ADAMTS10: variants seen among roughly 807,000 people sequenced by gnomAD.
ADAMTS10 encodes the protein A disintegrin and metalloproteinase with thrombospondin motifs 10.
In ADAMTS10, 48 loss-of-function variants were observed where a neutral mutation model predicts 135.9. The observed-to-expected ratio is 0.35, with a 90% CI of 0.28 to 0.45. The LOEUF (loss-of-function observed/expected upper bound fraction) is 0.45, where lower values mean the gene tolerates loss of function less well. Ranked by LOEUF, ADAMTS10 falls within the 20% of genes least tolerant of loss-of-function variation. The probability of loss-of-function intolerance (pLI) is 1.00; values close to 1 mark genes in which losing one functional copy is unlikely to be tolerated. For synonymous variants in ADAMTS10, 621 were observed against 647.5 expected, an observed-to-expected ratio of 0.96 and a Z score of 0.62; for missense variants, 1,131 against 1,565.2, an observed-to-expected ratio of 0.72 and a Z score of 4.68.
At chr19:8,600,148 C>T (rs1341086319) in intron 6 of ADAMTS10, among the ~76,000 whole-genome samples, 1 of 152,182 alleles carries the variant, frequency 6.6e-6, no homozygotes, top group Non-Finnish European at 1.5e-5. Flanking sequence ...CACTTATATG[C>T]CACCTACTGC....
At position 8,599,056 on chromosome 19, in the gene ADAMTS10, A is replaced by G. The variant is rs541748709; in HGVS notation, c.811-1739T>C. 3.3e-5 allele frequency among the ~76,000 whole-genome samples: 5 copies of G among 152,198 alleles called. No individual in the cohort carries two copies. The South Asian group carries it at 8.3e-4, about 25-fold the overall frequency. ...TTCATCAAGCCCTTACTATGTGCCA[A>G]ATAGCCTACCTGGCTTCCCTTCCAC... On this transcript the variant is annotated intron_variant, in intron 6 of 25. Transcript: ENST00000597188.
intron 25 of ADAMTS10, among the ~76,000 whole-genome samples, chr19:8,584,565 T>A (rs2042397838): frequency 6.6e-6 from 1 of 152,150 alleles, no homozygotes; most frequent in South Asian, 2.1e-4. Context: ...AAAATGTCAC[T>A]AGTGCCTGAG....
At chr19:8,586,003 G>A in intron 22 of ADAMTS10, 119 bp downstream of exon 22, 2 of 1,520,546 alleles carry the variant, frequency 1.3e-6, no homozygotes, top group Middle Eastern at 2.3e-4. Flanking sequence ...GCAGCACTCG[G>A]CCCACTGTCA....
rs2042672965 is a variant in ADAMTS10, at chr19:8,601,880, T to C, written c.593-735A>G. Among the ~76,000 whole-genome samples the C allele has an allele frequency of 1.3e-5, 2 of 152,168 alleles. No individual in the cohort carries two copies. The highest frequency in any genetic ancestry group is 4.8e-5 in the African/African-American group (2 of 41,444). ...CTACCAGCCTGCCCCGCTGCCCAAA[T>C]GTCCAACTGAACACTTGCATGACTG... On this transcript the variant is annotated intron_variant, in intron 5 of 25. Transcript: ENST00000597188. This position sits in a 1 kb window ranked among gnomAD's most constrained non-coding sequence, Gnocchi z 4.6.
intron 5 of ADAMTS10, among the ~76,000 whole-genome samples, chr19:8,603,444 T>A (rs1457437518): frequency 6.6e-6 from 1 of 152,082 alleles, no homozygotes; most frequent in Non-Finnish European, 1.5e-5. Flanking sequence ...CCAGCTAATT[T>A]TGTATTTTTA....
chr19:8,592,239 G>C, intron 13 of ADAMTS10, 136 bp from the exon 14 acceptor site: 1 of 1,466,714 alleles, frequency 6.8e-7, no homozygotes, highest in Non-Finnish European at 9.0e-7. Flanking sequence ...CTGAACATGC[G>C]AACAGAGTCA....
At chr19:8,604,173 C>T (rs942280043) in intron 4 of ADAMTS10, among the ~76,000 whole-genome samples, 1 of 151,678 alleles carries the variant, frequency 6.6e-6, no homozygotes, top group Non-Finnish European at 1.5e-5. Context: ...GCCTCAGCCT[C>T]CCAAGGATCT....
chr19:8,605,520 A>AAT lies in ADAMTS10; in HGVS notation c.88+102_88+103insAT. ...CCTATTGACCCCAGGGCCTTCCCCC[A>AAT]TTGACCCCCATCCCAGCCCCCTGAT... On this transcript the variant is annotated intron_variant, in intron 3 of 25. Transcript: ENST00000597188. This position sits in a 1 kb window ranked among gnomAD's most constrained non-coding sequence, Gnocchi z 7.7. 1 of 752,146 alleles carries AAT rather than the reference A, an allele frequency of 1.3e-6. No individual in the cohort carries two copies. The highest frequency in any genetic ancestry group is 2.0e-6 in the Non-Finnish European group (1 of 506,406). The allele number at this position is 752,146 out of a possible 1,614,324, so 46.6% of individuals were successfully genotyped here. A position where few individuals can be genotyped will look rare whatever the true frequency, so the allele number is the denominator to read the frequency against.
At chr19:8,587,618 A>G (rs1222343393) in intron 18 of ADAMTS10, among the ~76,000 whole-genome samples, 1 of 151,482 alleles carries the variant, frequency 6.6e-6, no homozygotes, top group Non-Finnish European at 1.5e-5. Context: ...ACAGGTGTAC[A>G]CCACCACACC....
intron 13 of ADAMTS10, chr19:8,592,308 A>G: frequency 2.0e-6 from 2 of 1,024,830 alleles, no homozygotes; most frequent in Non-Finnish European, 2.8e-6. Flanking sequence ...GCGTGGCCTG[A>G]GCACAGGGTG....
chr19:8,592,713 GA>G, intron 13 of ADAMTS10, 49 bp downstream of exon 13: 1 of 1,553,288 alleles, frequency 6.4e-7, no homozygotes, highest in Non-Finnish European at 8.7e-7. Context: ...GCCAACGCGG[GA>G]GGTGGCTCAG....
rs1555739362 is a variant in ADAMTS10 at position 8,592,679 on chromosome 19, C to T, written c.1587+84G>A. The T allele has an allele frequency of 5.1e-6, 7 of 1,380,068 alleles. No homozygotes were observed. The South Asian group carries it at 8.6e-5, about 17-fold the overall frequency. The allele number at this position is 1,380,068 out of a possible 1,614,324, so 85.5% of individuals were successfully genotyped here. ...AATGTGGGAGGGAGCAGATAATAGG[C>T]CGAAGGACAGGCGGGTAGGCGTGGC... On this transcript the variant is annotated intron_variant, in intron 13 of 25. Coordinates refer to ENST00000597188, the MANE Select transcript of ADAMTS10 (RefSeq NM_030957.4).
intron 25 of ADAMTS10, among the ~76,000 whole-genome samples, chr19:8,583,430 G>T (rs1480246335): frequency 1.3e-5 from 2 of 151,918 alleles, no homozygotes; most frequent in Non-Finnish European, 2.9e-5. Flanking sequence ...AATCCCAGCT[G>T]CTCAGGAGGC....
chr19:8,603,431 C>T lies in ADAMTS10; in HGVS notation c.592+297G>A, dbSNP rs112931086. Reference sequence around the variant, plus strand: ...CTGGGATGACAGGCATGCGCCACCACGCCCAGCTAATTTTGTATTTTTAGT... The same window carrying T: ...CTGGGATGACAGGCATGCGCCACCATGCCCAGCTAATTTTGTATTTTTAGT... On this transcript the variant is annotated intron_variant, in intron 5 of 25. Transcript: ENST00000597188. Among the ~76,000 whole-genome samples, 2,432 of 152,200 alleles carry T rather than the reference C, an allele frequency of 0.016. 60 individuals are homozygous for T. The highest frequency in any genetic ancestry group is 0.055 in the African/African-American group (2,278 of 41,518).
rs1176215702 is a variant in ADAMTS10, at chr19:8,592,745, G to T, written c.1587+18C>A. On this transcript the variant is annotated intron_variant, in intron 13 of 25. Transcript: ENST00000597188. ...CTCAGGGGGCGTGGCCCAGTTGGGG[G>T]CCCTGGCCGGCGCTCACCCCCTTGT... 3 of 1,602,868 alleles carry T rather than the reference G, an allele frequency of 1.9e-6. No homozygotes were observed. Among genetic ancestry groups the T allele is most frequent in the Non-Finnish European group, 1.7e-6 (2 of 1,177,416 alleles).
chr19:8,602,347 C>T (rs1303043089), intron 5 of ADAMTS10, among the ~76,000 whole-genome samples: 1 of 152,118 alleles, frequency 6.6e-6, no homozygotes, highest in Non-Finnish European at 1.5e-5. Context: ...GAGACAGAGC[C>T]TCACTCTGTC....
Position 8,605,442 on chromosome 19 carries a change from G to C in ADAMTS10, c.89-84C>G. 6.7e-7 allele frequency: 1 copy of C among 1,488,390 alleles called. No homozygotes were observed. Among genetic ancestry groups the C allele is most frequent in the Non-Finnish European group, 9.1e-7 (1 of 1,094,760 alleles). 92.2% of individuals were successfully genotyped at this position (1,488,390 alleles called of 1,614,324 possible). A position where few individuals can be genotyped will look rare whatever the true frequency, so the allele number is the denominator to read the frequency against. ...TGGCTGTTAGGCTGCTGGAGCAAGT[G>C]ATGCTGGCCTCACTGACCCCCGAAA... On this transcript the variant is annotated intron_variant, in intron 3 of 25. Coordinates refer to ENST00000597188, the MANE Select transcript of ADAMTS10 (RefSeq NM_030957.4). The surrounding 1 kb of genome is among the most constrained non-coding windows in gnomAD (Gnocchi z 7.7).
chr19:8,585,371 A>G (rs2042412995), intron 23 of ADAMTS10, 63 bp from the exon 24 acceptor site: 1 of 1,534,774 alleles, frequency 6.5e-7, no homozygotes, highest in Non-Finnish European at 8.7e-7. Flanking sequence ...AGGAGGGGAC[A>G]GCTAACCTGG....
rs1555736880 is a variant in ADAMTS10 at position 8,585,657 on chromosome 19, C to A, written c.2664G>T (p.Trp888Cys). 1 of 1,612,354 alleles carries A rather than the reference C, an allele frequency of 6.2e-7. No individual in the cohort carries two copies. The highest frequency in any genetic ancestry group is 1.1e-5 in the South Asian group (1 of 91,034). Residue 888 changes from tryptophan to cysteine, a missense_variant, in exon 23 of 26, where the codon TGG (tryptophan) becomes TGT (cysteine). Trp to Cys is a radical substitution (Grantham distance 215). Transcript: ENST00000597188. ...TGCAGAGCGACCAGTTCCCTACAAC[C>A]CAGCTGTAAGAGATGAAGGGGTCTG... Reference protein sequence around the residue: ...ACNTEPCPPDWVVGNWSLCSR... With the variant: ...ACNTEPCPPDCVVGNWSLCSR...
Sources: gnomAD v4.1 joint callset for allele counts (sites outside exome capture counted in the v4.1 genomes callset) on GRCh38, gnomAD v4.1.1 for gene constraint, Gnocchi (gnomAD v3.1) non-coding constraint, MANE v1.5 for transcripts, NCBI Gene and HGNC (gene_info 2026-07-23, HGNC 2026-07-21) for gene names.